Variants in MTHFD2L observed in about 807,000 individuals in gnomAD.
The protein encoded by MTHFD2L is bifunctional methylenetetrahydrofolate dehydrogenase/cyclohydrolase 2, mitochondrial.
In MTHFD2L, 29 loss-of-function variants were observed where a neutral mutation model predicts 34.9. The observed-to-expected ratio is 0.83, with a 90% confidence interval of 0.62 to 1.13. MTHFD2L has a LOEUF of 1.13. Among genes scored for constraint, MTHFD2L ranks in the 50% most tolerant of loss-of-function variants. MTHFD2L has a pLI of 0.00. For missense variants in MTHFD2L, 481 were observed against 446.5 expected (o/e 1.08, Z -0.70); for synonymous variants, 167 against 155.7 (o/e 1.07, Z -0.54).
At chr4:74,136,777 G>T (rs1722967462) in intron 1 of MTHFD2L, among the ~76,000 whole-genome samples, 2 of 151,864 alleles carry the variant, frequency 1.3e-5, no homozygotes, top group Non-Finnish European at 2.9e-5. Context: ...AAAACAGACA[G>T]ATAAATAAAA....
At chr4:74,142,734 C>T (rs480956) in intron 1 of MTHFD2L, among the ~76,000 whole-genome samples, 149,834 of 152,290 alleles carry the variant, frequency 0.98, 73,764 homozygotes, top group East Asian at 1. Flanking sequence ...GCAACCCCTA[C>T]GTGCACTCCA....
upstream of MTHFD2L, among the ~76,000 whole-genome samples, chr4:74,124,173 T>C (rs767351874): frequency 1.3e-5 from 2 of 152,092 alleles, no homozygotes; most frequent in Admixed American, 1.3e-4. Context: ...TTGAAGAGTT[T>C]TGATGGGCCC....
intron 3 of MTHFD2L, among the ~76,000 whole-genome samples, chr4:74,196,368 A>G (rs948584912): frequency 1.3e-5 from 2 of 152,156 alleles, no homozygotes; most frequent in African/African-American, 4.8e-5. Flanking sequence ...GGGAAAGGAC[A>G]TGGTTTGGTG....
At chr4:74,181,395 A>G (rs569296585) in intron 3 of MTHFD2L, among the ~76,000 whole-genome samples, 46 of 152,260 alleles carry the variant, frequency 3.0e-4, no homozygotes, top group Non-Finnish European at 5.4e-4. Context: ...ACTCACAGCA[A>G]TCCTTACCAG....
At chr4:74,149,001 G>A (rs1458129970) in intron 1 of MTHFD2L, among the ~76,000 whole-genome samples, 1 of 151,922 alleles carries the variant, frequency 6.6e-6, no homozygotes, top group East Asian at 1.9e-4. Context: ...GGGAAACCCA[G>A]TGTATTTTTC....
intron 1 of MTHFD2L, among the ~76,000 whole-genome samples, chr4:74,151,636 C>T (rs1723946280): frequency 6.6e-6 from 1 of 152,164 alleles, no homozygotes; most frequent in Non-Finnish European, 1.5e-5. Flanking sequence ...ACAGCCTTGG[C>T]ACATAGCAAA....
chr4:74,299,357 G>C (rs1054234402), intron 7 of MTHFD2L, among the ~76,000 whole-genome samples: 1 of 151,600 alleles, frequency 6.6e-6, no homozygotes, highest in Non-Finnish European at 1.5e-5. Context: ...TAGTAGTAGT[G>C]TAAATAGTAG....
intron 7 of MTHFD2L, among the ~76,000 whole-genome samples, chr4:74,298,170 C>G (rs901189314): frequency 6.6e-6 from 1 of 151,836 alleles, no homozygotes; most frequent in African/African-American, 2.4e-5. Context: ...ATTTCAAAAA[C>G]AAAAAAGATT....
intron 1 of MTHFD2L, among the ~76,000 whole-genome samples, chr4:74,130,400 C>T (rs1038576789): frequency 1.4e-4 from 21 of 151,986 alleles, no homozygotes; most frequent in Admixed American, 5.9e-4. Flanking sequence ...TGATCATGTC[C>T]GCTTCATTCC....
intron 6 of MTHFD2L, chr4:74,242,045 A>G (rs1218141719): frequency 6.6e-6 from 1 of 152,508 alleles, no homozygotes; most frequent in Non-Finnish European, 1.5e-5. Context: ...TCTATATCTT[A>G]ACTGTATCAA....
At chr4:74,238,971 G>T (rs144559829) in intron 6 of MTHFD2L, among the ~76,000 whole-genome samples, 2 of 152,110 alleles carry the variant, frequency 1.3e-5, no homozygotes, top group Non-Finnish European at 2.9e-5. Flanking sequence ...TTGACCCAGC[G>T]ATCCCATTAC....
At chr4:74,200,068 T>C in intron 4 of MTHFD2L, 122 bp downstream of exon 4, 1 of 827,038 alleles carries the variant, frequency 1.2e-6, no homozygotes, top group South Asian at 2.0e-5. Context: ...CCATAAAACG[T>C]CAGTGTACAG....
chr4:74,158,471 G>A (rs1724672836), intron 1 of MTHFD2L, 190 bp downstream of exon 1: 1 of 220,102 alleles, frequency 4.5e-6, no homozygotes, highest in Non-Finnish European at 7.9e-6. Context: ...CCTCAGCTTG[G>A]GGAACGAAAA....
intron 1 of MTHFD2L, among the ~76,000 whole-genome samples, chr4:74,134,429 G>A (rs1452342654): frequency 2.6e-5 from 4 of 152,122 alleles, no homozygotes; most frequent in African/African-American, 9.7e-5. Flanking sequence ...GGTAAACATA[G>A]GCTTATGGCG....
intron 6 of MTHFD2L, among the ~76,000 whole-genome samples, chr4:74,259,838 T>C (rs549120987): frequency 6.6e-6 from 1 of 152,300 alleles, no homozygotes; most frequent in South Asian, 2.1e-4. Context: ...TTGAATATAA[T>C]TGATTAGACA....
At chr4:74,245,357 CAT>C (rs1339984915) in intron 6 of MTHFD2L, among the ~76,000 whole-genome samples, 3 of 151,502 alleles carry the variant, frequency 2.0e-5, no homozygotes, top group African/African-American at 7.3e-5. Flanking sequence ...ATGTAATAGA[CAT>C]ATTGTTTTTC....
chr4:74,269,968 T>G (rs1008460107), intron 6 of MTHFD2L, among the ~76,000 whole-genome samples: 2 of 152,090 alleles, frequency 1.3e-5, no homozygotes, highest in East Asian at 3.9e-4. Context: ...AGCCTTAGGA[T>G]GCACAAAGAT....
chr4:74,143,169 AG>A (rs1723380574), intron 1 of MTHFD2L, among the ~76,000 whole-genome samples: 1 of 152,162 alleles, frequency 6.6e-6, no homozygotes, highest in African/African-American at 2.4e-5. Flanking sequence ...AAGCATCAAC[AG>A]GGGGTATCAC....
chr4:74,230,405 C>A (rs1347892439), intron 6 of MTHFD2L, among the ~76,000 whole-genome samples: 3 of 151,788 alleles, frequency 2.0e-5, no homozygotes, highest in Admixed American at 6.6e-5. Flanking sequence ...GCCTGTCCAA[C>A]ATGGTGAAAC....
Sources: gnomAD v4.1 joint callset for allele counts (sites outside exome capture counted in the v4.1 genomes callset) on GRCh38, gnomAD v4.1.1 for gene constraint, MANE v1.5 for transcripts, NCBI Gene and HGNC (gene_info 2026-07-23, HGNC 2026-07-21) for gene names.